CENPM: variants seen among roughly 807,000 people sequenced by gnomAD.
CENPM encodes centromere protein M, also known as interphase centromere complex protein 39.
CENPM carries 14 observed loss-of-function variants against 19.6 expected under a neutral mutation model. The observed-to-expected ratio is 0.71, with a 90% confidence interval of 0.47 to 1.11. The LOEUF (loss-of-function observed/expected upper bound fraction) is 1.11, where lower values mean the gene tolerates loss of function less well. CENPM is among the 50% of genes most tolerant of loss of function. CENPM has a pLI of 0.00. For synonymous variants in CENPM, 114 were observed against 101.5 expected (o/e 1.12, Z -0.74); for missense variants, 239 against 228.4 (o/e 1.05, Z -0.30).
the CENPM span, among the ~76,000 whole-genome samples, chr22:41,929,931 G>T: frequency 6.9e-6 from 1 of 144,888 alleles, no homozygotes; most frequent in Non-Finnish European, 1.5e-5. Flanking sequence ...TTATTTCCCC[G>T]TGGCTTTTTT....
At chr22:41,940,258 G>A (rs2077727397) in intron 5 of CENPM, 1 of 696,784 alleles carries the variant, frequency 1.4e-6, no homozygotes. Context: ...TAGAAGTCCT[G>A]TTTGCAGGGG....
the CENPM span, among the ~76,000 whole-genome samples, chr22:41,927,887 T>A: frequency 2.6e-5 from 4 of 152,156 alleles, no homozygotes; most frequent in Admixed American, 2.0e-4. Flanking sequence ...GAAGACAGCC[T>A]CGCAGCAAGG....
the CENPM span, among the ~76,000 whole-genome samples, chr22:41,927,718 C>A: frequency 6.6e-6 from 1 of 151,914 alleles, no homozygotes; most frequent in Admixed American, 6.6e-5. Context: ...AGGCTGGTCT[C>A]GAACTCCTGA....
intron 5 of CENPM, among the ~76,000 whole-genome samples, chr22:41,941,768 T>C (rs2077740948): frequency 6.6e-6 from 1 of 152,166 alleles, no homozygotes; most frequent in South Asian, 2.1e-4. Flanking sequence ...AGAGTGCTGA[T>C]CTGGTCAGGG....
chr22:41,937,484 C>T (rs939706410), downstream of CENPM, among the ~76,000 whole-genome samples: 4 of 152,044 alleles, frequency 2.6e-5, no homozygotes, highest in Admixed American at 6.6e-5. Context: ...TTAGTGGAGA[C>T]GGGGTTTCAC....
At chr22:41,940,215 T>G (rs745926801) in intron 5 of CENPM, 13 of 747,178 alleles carry the variant, frequency 1.7e-5, no homozygotes, top group Admixed American at 9.3e-5. Flanking sequence ...CTCCGTGGCC[T>G]GCCTGCCTAC....
intron 5 of CENPM, among the ~76,000 whole-genome samples, chr22:41,939,862 AAGAAAGAAAGAAAGAAAAAGAAAG>A (rs2077718464): frequency 3.5e-5 from 3 of 85,666 alleles, no homozygotes; most frequent in African/African-American, 1.5e-4. Flanking sequence ...GAAAGAAAGA[AAGAAAGAAAGAAAGAAAAAGAAAG>A]AAAGAAAGAA....
Position 41,945,964 on chromosome 22 carries a change from C to T in CENPM, c.179G>A (p.Arg60Gln). ...KSLPLPSSVNRPRIDLIVFVV... is the reference protein window; with the variant it reads ...KSLPLPSSVNQPRIDLIVFVV... ...AAACACGATCAGGTCAATTCGGGGC[C>T]GATTCACACTGGAGGGCAAAGGGAG... The change falls in exon 3 of 6, where the codon CGG (arginine) becomes CAG (glutamine). Residue 60 changes from arginine to glutamine, a missense_variant. By Grantham distance (43) the Arg-to-Gln change is conservative (BLOSUM62 1). Transcript: ENST00000215980. 1 of 1,613,940 alleles carries T rather than the reference C, an allele frequency of 6.2e-7. No homozygotes were observed. The highest frequency in any genetic ancestry group is 1.1e-5 in the South Asian group (1 of 91,070).
intron 1 of CENPM, 127 bp from the exon 2 acceptor site, chr22:41,946,623 G>A: frequency 1.3e-6 from 1 of 765,710 alleles, no homozygotes; most frequent in Non-Finnish European, 2.1e-6. Flanking sequence ...GACATTTCCC[G>A]AGAAGTGGAC....
chr22:41,943,014 C>A (rs1489752243), intron 5 of CENPM, among the ~76,000 whole-genome samples: 3 of 152,132 alleles, frequency 2.0e-5, no homozygotes, highest in African/African-American at 7.2e-5. Context: ...GTGAGAAACA[C>A]CAACAGGATC....
At position 41,939,064 on chromosome 22, in the gene CENPM, C is replaced by T. The variant is rs570248268; in HGVS notation, c.535G>A (p.Asp179Asn). Residue 179 changes from aspartate (D) to asparagine (N), a missense_variant, in exon 6 of 6, where the codon GAC becomes AAC. Coordinates refer to ENST00000215980, the MANE Select transcript of CENPM (RefSeq NM_024053.5). ...LRSSEGPSLEDL is the reference protein window; with the variant it reads ...LRSSEGPSLENL The stretch of plus-strand genomic sequence containing the variant: ...CCAGGGGCCAGCCACCCTCACAGGT[C>T]CTCCAGGGAGGGGCCCTCAGAGCTT... 1.1e-3 allele frequency: 1,781 copies of T among 1,612,842 alleles called. 42 individuals are homozygous for T. The South Asian group carries it at 0.019, about 17-fold the overall frequency.
the CENPM span, among the ~76,000 whole-genome samples, chr22:41,933,077 G>A: frequency 2.0e-5 from 3 of 152,160 alleles, no homozygotes; most frequent in Admixed American, 2.0e-4. Context: ...AGAAGGCCTG[G>A]TGGATGGTGA....
chr22:41,942,705 C>T (rs1410037586), intron 5 of CENPM, among the ~76,000 whole-genome samples: 4 of 150,508 alleles, frequency 2.7e-5, no homozygotes, highest in Admixed American at 6.7e-5. Context: ...GAGCCGAGAT[C>T]GCGCCACTGC....
chr22:41,928,664 C>G, the CENPM span, among the ~76,000 whole-genome samples: 1 of 152,128 alleles, frequency 6.6e-6, no homozygotes, highest in African/African-American at 2.4e-5. This position sits in a 1 kb window ranked among gnomAD's most constrained non-coding sequence, Gnocchi z 4.0. Flanking sequence ...CTGAGCTGCT[C>G]TGGGGGCAGG....
downstream of CENPM, among the ~76,000 whole-genome samples, chr22:41,935,204 C>T (rs139696415): frequency 0.021 from 3,213 of 152,304 alleles, 50 homozygotes; most frequent in Non-Finnish European, 0.034. Context: ...TGCGATGCCA[C>T]TTCTCTTGTT....
At chr22:41,944,090 A>ATT in intron 4 of CENPM, 2 of 985,262 alleles carry the variant, frequency 2.0e-6, no homozygotes, top group Non-Finnish European at 2.4e-6. Flanking sequence ...GTTTTGAGGT[A>ATT]TTTGTAGGGG....
At chr22:41,937,430 G>C (rs967894850), downstream of CENPM, among the ~76,000 whole-genome samples, 2 of 152,092 alleles carry the variant, frequency 1.3e-5, no homozygotes, top group African/African-American at 4.8e-5. Context: ...CAAGTAGCTG[G>C]GACTATAGGC....
chr22:41,934,889 T>C (rs1303301669), downstream of CENPM, among the ~76,000 whole-genome samples: 1 of 152,204 alleles, frequency 6.6e-6, no homozygotes, highest in Non-Finnish European at 1.5e-5. Flanking sequence ...CACACACTGA[T>C]CTTCCATTAC....
At chr22:41,929,761 G>A in the CENPM span, among the ~76,000 whole-genome samples, 1 of 149,798 alleles carries the variant, frequency 6.7e-6, no homozygotes, top group Admixed American at 6.7e-5. Flanking sequence ...TTGTGTGCAG[G>A]TGCCTGGCCT....
Sources: gnomAD v4.1 joint callset for allele counts (sites outside exome capture counted in the v4.1 genomes callset) on GRCh38, gnomAD v4.1.1 for gene constraint, Gnocchi (gnomAD v3.1) non-coding constraint, MANE v1.5 for transcripts, NCBI Gene and HGNC (gene_info 2026-07-23, HGNC 2026-07-21) for gene names.